Variants in BRINP2 observed in about 807,000 individuals in gnomAD.
The protein encoded by BRINP2 is BMP/retinoic acid inducible neural specific 2, also known as BMP/retinoic acid-inducible neural-specific protein 2.
Under a neutral mutation model 69.2 loss-of-function variants are expected in BRINP2, and 21 were observed. The ratio of observed to expected loss-of-function variants is 0.30; its 90% CI spans 0.22 to 0.44. BRINP2 has a LOEUF of 0.44. BRINP2 is among the 20% of genes least tolerant of loss of function. The probability of loss-of-function intolerance (pLI) is 1.00; values close to 1 mark genes in which losing one functional copy is unlikely to be tolerated. For missense variants in BRINP2, 877 were observed against 986.0 expected, an observed-to-expected ratio of 0.89 and a Z score of 1.48; for synonymous variants, 380 against 394.1, an observed-to-expected ratio of 0.96 and a Z score of 0.42.
chr1:177,239,103 C>T (rs1181451395), intron 2 of BRINP2, among the ~76,000 whole-genome samples: 7 of 152,162 alleles, frequency 4.6e-5, no homozygotes, highest in East Asian at 1.9e-4. Context: ...AACAGTGTCT[C>T]GGGTTGTCAC....
At chr1:177,274,485 A>T (rs1651433438) in intron 5 of BRINP2, among the ~76,000 whole-genome samples, 1 of 152,352 alleles carries the variant, frequency 6.6e-6, no homozygotes, top group East Asian at 1.9e-4. Flanking sequence ...TATATAAGAA[A>T]GAGGACTAAA....
At chr1:177,257,641 G>C (rs1650813621) in intron 4 of BRINP2, among the ~76,000 whole-genome samples, 1 of 152,216 alleles carries the variant, frequency 6.6e-6, no homozygotes. Flanking sequence ...CATGCTCACA[G>C]AGGTTGCACT....
Position 177,281,716 on chromosome 1 carries a change from G to T in BRINP2, c.*188G>T. On this transcript the variant is annotated 3_prime_UTR_variant, in exon 8 of 8. Coordinates refer to ENST00000361539, the MANE Select transcript of BRINP2 (RefSeq NM_021165.4). Reference sequence around the variant, plus strand: ...ACAGCTACTGCGTGCGTGCGCGCACGCATACACACACACACACACACACTG... The same window carrying T: ...ACAGCTACTGCGTGCGTGCGCGCACTCATACACACACACACACACACACTG... 7 of 624,342 alleles carry T rather than the reference G, an allele frequency of 1.1e-5. No homozygotes were observed. The highest frequency in any genetic ancestry group is 2.9e-5 in the East Asian group (1 of 34,380). The allele number at this position is 624,342 out of a possible 1,614,324, so 38.7% of individuals were successfully genotyped here. A position where few individuals can be genotyped will look rare whatever the true frequency, so the allele number is the denominator to read the frequency against.
chr1:177,254,054 AT>A (rs1447862185), intron 2 of BRINP2, among the ~76,000 whole-genome samples: 2 of 152,136 alleles, frequency 1.3e-5, no homozygotes, highest in Non-Finnish European at 2.9e-5. Context: ...ATTAATGGAT[AT>A]GATTCTTTAA....
intron 4 of BRINP2, among the ~76,000 whole-genome samples, chr1:177,266,361 T>A (rs1480916898): frequency 6.6e-6 from 1 of 152,098 alleles, no homozygotes; most frequent in Non-Finnish European, 1.5e-5. Context: ...TACTCAAATA[T>A]GTCATATTCT....
chr1:177,275,128 G>T (rs1304037159), intron 5 of BRINP2: 13 of 456,146 alleles, frequency 2.8e-5, no homozygotes, highest in Non-Finnish European at 5.7e-5. Flanking sequence ...ATCTGACCTC[G>T]AACGTGGCCC....
chr1:177,198,019 A>G (rs1319263503), intron 1 of BRINP2, among the ~76,000 whole-genome samples: 1 of 152,192 alleles, frequency 6.6e-6, no homozygotes, highest in Admixed American at 6.5e-5. Context: ...GGATATGAAT[A>G]TGGTGATTTG....
chr1:177,213,576 C>T (rs1649288693), intron 1 of BRINP2, among the ~76,000 whole-genome samples: 1 of 152,038 alleles, frequency 6.6e-6, no homozygotes, highest in Admixed American at 6.5e-5. Flanking sequence ...GACTGAAAAC[C>T]ACTGATGCAA....
intron 1 of BRINP2, among the ~76,000 whole-genome samples, chr1:177,227,608 G>C (rs1277543233): frequency 6.7e-6 from 1 of 150,112 alleles, no homozygotes; most frequent in East Asian, 1.9e-4. Flanking sequence ...AGTTTCAAAA[G>C]AGTTTTTTTT....
At chr1:177,244,664 C>T (rs1650319146) in intron 2 of BRINP2, among the ~76,000 whole-genome samples, 1 of 152,044 alleles carries the variant, frequency 6.6e-6, no homozygotes, top group Non-Finnish European at 1.5e-5. Context: ...GAAATTTATT[C>T]TTACTCATTC....
At chr1:177,206,523 T>C (rs1180108642) in intron 1 of BRINP2, among the ~76,000 whole-genome samples, 1 of 152,186 alleles carries the variant, frequency 6.6e-6, no homozygotes, top group Non-Finnish European at 1.5e-5. Context: ...TGAAAGGAGA[T>C]GCAGAACTCT....
intron 7 of BRINP2, 21 bp downstream of exon 7, chr1:177,278,806 A>G (rs1157741374): frequency 1.2e-6 from 2 of 1,607,976 alleles, no homozygotes; most frequent in Admixed American, 3.3e-5. Context: ...CCTGGCTGCT[A>G]CAGCCAGAGC....
chr1:177,206,299 T>C (rs1453614545), intron 1 of BRINP2, among the ~76,000 whole-genome samples: 3 of 152,234 alleles, frequency 2.0e-5, no homozygotes, highest in Admixed American at 6.5e-5. Flanking sequence ...TTAGGTGAGA[T>C]AGTAAATATT....
At chr1:177,183,641 C>T (rs1021804929) in intron 1 of BRINP2, among the ~76,000 whole-genome samples, 1 of 152,032 alleles carries the variant, frequency 6.6e-6, no homozygotes, top group African/African-American at 2.4e-5. Context: ...GGGAATGTAC[C>T]AATGTAGCAA....
chr1:177,249,748 C>T (rs113099919), intron 2 of BRINP2, among the ~76,000 whole-genome samples: 158 of 152,240 alleles, frequency 1.0e-3, no homozygotes, highest in African/African-American at 3.7e-3. Flanking sequence ...CAGAAATGAA[C>T]ATTTCTTCTT....
At chr1:177,178,863 G>A (rs6687997) in intron 1 of BRINP2, among the ~76,000 whole-genome samples, 23,123 of 152,098 alleles carry the variant, frequency 0.15, 3,521 homozygotes, top group African/African-American at 0.39. Context: ...CTAGACAGAA[G>A]GTATGATTAT....
intron 5 of BRINP2, 129 bp downstream of exon 5, chr1:177,273,722 A>G: frequency 1.8e-6 from 1 of 564,314 alleles, no homozygotes; most frequent in East Asian, 3.1e-5. Context: ...AAGAACTACC[A>G]CAAGTTCTGG....
At position 177,280,574 on chromosome 1, in the gene BRINP2, T is replaced by C. The variant is rs1317538303; in HGVS notation, c.1398T>C (p.Cys466=). 6 of 1,614,052 alleles carry C rather than the reference T, an allele frequency of 3.7e-6. No homozygotes were observed. Among genetic ancestry groups the C allele is most frequent in the Middle Eastern group, 1.6e-4 (1 of 6,082 alleles). The stretch of plus-strand genomic sequence containing the variant: ...GTGCCTTGGGCGAAGGGCCCGCGTG[T>C]GCCCACTGTGCTCCAGACAATAGCA... The part of the protein sequence containing the change: ...IPCALGEGPA[C]AHCAPDNSTR... Residue 466 remains cysteine (C), a synonymous_variant, in exon 8 of 8, where the codon TGT becomes TGC. Coordinates refer to ENST00000361539, the MANE Select transcript of BRINP2 (RefSeq NM_021165.4).
At chr1:177,275,055 C>T in intron 5 of BRINP2, 1 of 451,848 alleles carries the variant, frequency 2.2e-6, no homozygotes, top group Non-Finnish European at 4.5e-6. Context: ...TCCAGAAGTT[C>T]TCATATTCCT....
Sources: gnomAD v4.1 joint callset for allele counts (sites outside exome capture counted in the v4.1 genomes callset) on GRCh38, gnomAD v4.1.1 for gene constraint, MANE v1.5 for transcripts, NCBI Gene and HGNC (gene_info 2026-07-23, HGNC 2026-07-21) for gene names.